CTNND2: variants seen among roughly 807,000 people sequenced by gnomAD.
The protein encoded by CTNND2 is catenin delta-2.
Under a neutral mutation model 144.4 loss-of-function variants are expected in CTNND2, and 22 were observed. The ratio of observed to expected loss-of-function variants is 0.15; its 90% confidence interval spans 0.11 to 0.22. The LOEUF (loss-of-function observed/expected upper bound fraction) is 0.22, where lower values mean the gene tolerates loss of function less well. Ranked by LOEUF, CTNND2 falls within the 10% of genes least tolerant of loss-of-function variation. The pLI, the probability that CTNND2 is intolerant of heterozygous loss-of-function variation, is 1.00. For missense variants in CTNND2, 1,353 were observed against 1,618.8 expected, an observed-to-expected ratio of 0.84 and a Z score of 2.82; for synonymous variants, 751 against 695.6, an observed-to-expected ratio of 1.08 and a Z score of -1.25.
At chr5:11,371,850 T>C (rs1468173313) in intron 7 of CTNND2, among the ~76,000 whole-genome samples, 1 of 152,202 alleles carries the variant, frequency 6.6e-6, no homozygotes, top group Non-Finnish European at 1.5e-5. Flanking sequence ...ATTCATATGA[T>C]TTCAAAGATA....
intron 1 of CTNND2, among the ~76,000 whole-genome samples, chr5:11,760,013 T>G (rs375482091): frequency 6.7e-6 from 1 of 148,276 alleles, no homozygotes; most frequent in African/African-American, 2.5e-5. Flanking sequence ...ACCACATACT[T>G]TGCCAGGTCC....
intron 2 of CTNND2, among the ~76,000 whole-genome samples, chr5:11,611,305 G>A (rs990037264): frequency 4.6e-5 from 7 of 152,204 alleles, no homozygotes; most frequent in Non-Finnish European, 1.0e-4. Flanking sequence ...ACCCAGTCTT[G>A]GGCATGTCTT....
intron 1 of CTNND2, among the ~76,000 whole-genome samples, chr5:11,786,546 T>C (rs1790843812): frequency 6.6e-6 from 1 of 152,186 alleles, no homozygotes; most frequent in African/African-American, 2.4e-5. Flanking sequence ...CAGGAAAGGC[T>C]GAAGCAAGAT....
chr5:11,705,978 A>C (rs1785672787), intron 2 of CTNND2, among the ~76,000 whole-genome samples: 1 of 152,226 alleles, frequency 6.6e-6, no homozygotes, highest in Non-Finnish European at 1.5e-5. Context: ...CTGTACTGGG[A>C]AATTCCACAT....
At chr5:11,102,253 A>ATTCACAAAC (rs1751975902) in intron 14 of CTNND2, among the ~76,000 whole-genome samples, 1 of 152,218 alleles carries the variant, frequency 6.6e-6, no homozygotes, top group South Asian at 2.1e-4. Flanking sequence ...CACTTTGTGC[A>ATTCACAAAC]AGTCATTCAC....
At chr5:11,352,618 C>T (rs975169181) in intron 8 of CTNND2, among the ~76,000 whole-genome samples, 1 of 152,126 alleles carries the variant, frequency 6.6e-6, no homozygotes, top group African/African-American at 2.4e-5. Flanking sequence ...CTTTGAATAA[C>T]ATTTTTGTGA....
chr5:11,662,153 ATATGTG>A (rs1157092395), intron 2 of CTNND2, among the ~76,000 whole-genome samples: 1 of 144,896 alleles, frequency 6.9e-6, no homozygotes, highest in Non-Finnish European at 1.5e-5. Flanking sequence ...ATACACATAT[ATATGTG>A]TATATATGTG....
intron 9 of CTNND2, among the ~76,000 whole-genome samples, chr5:11,312,828 C>T (rs1359115283): frequency 6.6e-6 from 1 of 152,238 alleles, no homozygotes; most frequent in Non-Finnish European, 1.5e-5. Context: ...GTCCTTTTCA[C>T]ATATCTGTAT....
chr5:11,591,119 T>C (rs1422788381), intron 2 of CTNND2, among the ~76,000 whole-genome samples: 3 of 152,226 alleles, frequency 2.0e-5, no homozygotes, highest in Non-Finnish European at 4.4e-5. Context: ...AATGTCCCCA[T>C]TATGTAACCC....
In CTNND2 at chr5:11,903,760, A is replaced by T; in HGVS notation, c.37+57T>A. ...CACCCCCACCAGCGGCAAGAGGAGGAGGACGGCGCCGGGAGGAGGCTGCGC... is the reference window on the plus strand; with the variant it reads ...CACCCCCACCAGCGGCAAGAGGAGGTGGACGGCGCCGGGAGGAGGCTGCGC... On this transcript the variant is annotated intron_variant, in intron 1 of 21. Transcript: ENST00000304623. This position sits in a 1 kb window ranked among gnomAD's most constrained non-coding sequence, Gnocchi z 5.4. The T allele has an allele frequency of 6.9e-7, 1 of 1,452,346 alleles. No homozygotes were observed. The highest frequency in any genetic ancestry group is 9.1e-7 in the Non-Finnish European group (1 of 1,102,078). The allele number at this position is 1,452,346 out of a possible 1,614,324, so 90.0% of individuals were successfully genotyped here. A position where few individuals can be genotyped will look rare whatever the true frequency, so the allele number is the denominator to read the frequency against.
chr5:11,424,206 G>A (rs533673670), intron 3 of CTNND2, among the ~76,000 whole-genome samples: 7 of 152,302 alleles, frequency 4.6e-5, no homozygotes, highest in East Asian at 1.9e-4. Flanking sequence ...CCAAGGAAGT[G>A]TATGTGAAAC....
At chr5:11,205,022 T>C (rs1737895165) in intron 10 of CTNND2, among the ~76,000 whole-genome samples, 1 of 152,154 alleles carries the variant, frequency 6.6e-6, no homozygotes, top group South Asian at 2.1e-4. Context: ...TCAAAACAGG[T>C]AAGGACCTGG....
intron 11 of CTNND2, among the ~76,000 whole-genome samples, chr5:11,161,635 G>C (rs778568195): frequency 7.2e-5 from 11 of 152,060 alleles, no homozygotes; most frequent in Non-Finnish European, 1.5e-4. Flanking sequence ...ATATTAAAAA[G>C]AAATTAGTAT....
intron 1 of CTNND2, among the ~76,000 whole-genome samples, chr5:11,859,852 A>G (rs897333100): frequency 5.9e-5 from 9 of 152,172 alleles, no homozygotes; most frequent in Non-Finnish European, 1.2e-4. Context: ...TACCATACCT[A>G]TTTTGTATTC....
chr5:11,115,894 G>C (rs1453701691), intron 13 of CTNND2, among the ~76,000 whole-genome samples: 1 of 151,300 alleles, frequency 6.6e-6, no homozygotes, highest in African/African-American at 2.4e-5. Context: ...GGGTTGAGAA[G>C]TGCTATGCTA....
chr5:11,878,935 T>C (rs1399913478), intron 1 of CTNND2, among the ~76,000 whole-genome samples: 2 of 152,212 alleles, frequency 1.3e-5, no homozygotes, highest in Non-Finnish European at 2.9e-5. Flanking sequence ...CATTTCTGTG[T>C]CTGCAATTGC....
intron 5 of CTNND2, among the ~76,000 whole-genome samples, chr5:11,408,063 C>T (rs1016343715): frequency 6.6e-6 from 1 of 152,060 alleles, no homozygotes; most frequent in Non-Finnish European, 1.5e-5. Context: ...CTGCTAGACT[C>T]TGCTGGGGAT....
intron 16 of CTNND2, among the ~76,000 whole-genome samples, chr5:11,051,755 G>A (rs1029027488): frequency 2.0e-5 from 3 of 152,058 alleles, no homozygotes; most frequent in African/African-American, 7.2e-5. Flanking sequence ...AAACAAATAT[G>A]TATTGATAGT....
chr5:11,163,996 G>C (rs1580461300), intron 11 of CTNND2, among the ~76,000 whole-genome samples: 1 of 152,232 alleles, frequency 6.6e-6, no homozygotes, highest in East Asian at 1.9e-4. Flanking sequence ...GGCAAGGCTG[G>C]CTCCTTCCAG....
Sources: gnomAD v4.1 joint callset for allele counts (sites outside exome capture counted in the v4.1 genomes callset) on GRCh38, gnomAD v4.1.1 for gene constraint, Gnocchi (gnomAD v3.1) non-coding constraint, MANE v1.5 for transcripts, NCBI Gene and HGNC (gene_info 2026-07-23, HGNC 2026-07-21) for gene names.